Variants in GNAO1 observed in about 807,000 individuals in gnomAD.
The protein encoded by GNAO1 is guanine nucleotide-binding protein G(o) subunit alpha.
For missense variants in GNAO1, 166 were observed against 478.7 expected (o/e 0.35, Z 6.10); for synonymous variants, 164 against 180.7 (o/e 0.91, Z 0.74).
chr16:56,325,998 C>T (rs2037628433), intron 3 of GNAO1, among the ~76,000 whole-genome samples: 1 of 152,180 alleles, frequency 6.6e-6, no homozygotes, highest in African/African-American at 2.4e-5. Context: ...TGCTCACCAG[C>T]CACCTCCTCC....
At chr16:56,255,596 C>T (rs2036839212) in intron 2 of GNAO1, 1 of 152,112 alleles carries the variant, frequency 6.6e-6, no homozygotes, top group African/African-American at 2.4e-5. Flanking sequence ...ACCAAGGTAA[C>T]CTATGTGTAT....
At chr16:56,236,387 A>G (rs1420834770) in intron 2 of GNAO1, among the ~76,000 whole-genome samples, 1 of 152,192 alleles carries the variant, frequency 6.6e-6, no homozygotes, top group Admixed American at 6.5e-5. Flanking sequence ...ATTCAGTTTG[A>G]ATCCATAGAA....
At chr16:56,244,166 T>G (rs1391168491) in intron 2 of GNAO1, among the ~76,000 whole-genome samples, 1 of 152,102 alleles carries the variant, frequency 6.6e-6, no homozygotes, top group Non-Finnish European at 1.5e-5. Context: ...TCTACTTGAG[T>G]GTAGGCACGT....
At chr16:56,340,560 C>G in intron 6 of GNAO1, 1 of 334,732 alleles carries the variant, frequency 3.0e-6, no homozygotes, top group Non-Finnish European at 5.8e-6. Context: ...CTCACTGCCC[C>G]CACCTGGGGC....
chr16:56,195,773 A>G (rs1337371437), intron 2 of GNAO1, among the ~76,000 whole-genome samples: 2 of 152,236 alleles, frequency 1.3e-5, no homozygotes, highest in Non-Finnish European at 2.9e-5. Flanking sequence ...GGATATTCAG[A>G]CATCACTGAA....
At chr16:56,273,883 G>A (rs1300038644) in intron 2 of GNAO1, among the ~76,000 whole-genome samples, 2 of 152,196 alleles carry the variant, frequency 1.3e-5, no homozygotes, top group Non-Finnish European at 2.9e-5. Context: ...GCTCTGGGAA[G>A]CGTTCAACTG....
intron 6 of GNAO1, chr16:56,340,809 C>T (rs1402102691): frequency 6.2e-7 from 1 of 1,607,938 alleles, no homozygotes; most frequent in Non-Finnish European, 8.5e-7. Flanking sequence ...TGCCGCCCCT[C>T]ACTCACCCCT....
At chr16:56,275,861 C>A in intron 2 of GNAO1, 70 bp from the exon 3 acceptor site, 1 of 1,378,482 alleles carries the variant, frequency 7.3e-7, no homozygotes, top group Non-Finnish European at 9.7e-7. Flanking sequence ...CAGTGCGTCT[C>A]ATGCCTGTGC....
At chr16:56,202,922 A>G (rs928498889) in intron 2 of GNAO1, among the ~76,000 whole-genome samples, 10 of 152,234 alleles carry the variant, frequency 6.6e-5, no homozygotes, top group Non-Finnish European at 1.0e-4. Context: ...GGAACCGGGT[A>G]ATAACCTCAT....
At chr16:56,247,243 C>T (rs905870653) in intron 2 of GNAO1, among the ~76,000 whole-genome samples, 1 of 152,218 alleles carries the variant, frequency 6.6e-6, no homozygotes, top group Non-Finnish European at 1.5e-5. Context: ...CCTGCTGTCT[C>T]CCTGTCTTGG....
chr16:56,220,064 C>T (rs189172278), intron 2 of GNAO1, among the ~76,000 whole-genome samples: 3 of 152,274 alleles, frequency 2.0e-5, no homozygotes, highest in East Asian at 1.9e-4. Context: ...TGGCCCCTGA[C>T]AAAACTTCTC....
intron 3 of GNAO1, among the ~76,000 whole-genome samples, chr16:56,304,184 C>A (rs1488555152): frequency 2.0e-5 from 3 of 152,188 alleles, no homozygotes; most frequent in Non-Finnish European, 4.4e-5. Flanking sequence ...TCACTGCCAC[C>A]CTCACCGGGG....
chr16:56,295,463 T>G (rs2037277542), intron 3 of GNAO1, among the ~76,000 whole-genome samples: 1 of 152,226 alleles, frequency 6.6e-6, no homozygotes, highest in South Asian at 2.1e-4. Flanking sequence ...AAGGCTGGGC[T>G]GTACCTGTTA....
chr16:56,307,223 C>G (rs1197749924), intron 3 of GNAO1: 11 of 152,304 alleles, frequency 7.2e-5, no homozygotes, highest in African/African-American at 2.6e-4. Flanking sequence ...CTCTAAGATT[C>G]ACCAGGCGAA....
At chr16:56,296,525 G>A (rs575330653) in intron 3 of GNAO1, among the ~76,000 whole-genome samples, 6 of 152,202 alleles carry the variant, frequency 3.9e-5, no homozygotes, top group South Asian at 2.1e-4. Context: ...GATCTTAAGC[G>A]GCGTGTCTGG....
chr16:56,293,526 G>A (rs1469677535), intron 3 of GNAO1, among the ~76,000 whole-genome samples: 1 of 152,172 alleles, frequency 6.6e-6, no homozygotes, highest in Non-Finnish European at 1.5e-5. Flanking sequence ...TGCAGACAGT[G>A]TGCCAGCAGC....
At chr16:56,296,167 G>T (rs534672633) in intron 3 of GNAO1, among the ~76,000 whole-genome samples, 8 of 152,192 alleles carry the variant, frequency 5.3e-5, no homozygotes, top group Non-Finnish European at 1.2e-4. Flanking sequence ...AGCCAAAACC[G>T]AATGGGCTTG....
At chr16:56,269,442 T>C (rs2036993084) in intron 2 of GNAO1, among the ~76,000 whole-genome samples, 1 of 152,126 alleles carries the variant, frequency 6.6e-6, no homozygotes, top group African/African-American at 2.4e-5. Context: ...TCGTACCAAG[T>C]ATGGCAACAA....
At chr16:56,330,477 A>G (rs2037677753) in intron 4 of GNAO1, among the ~76,000 whole-genome samples, 1 of 62,722 alleles carries the variant, frequency 1.6e-5, no homozygotes, top group African/African-American at 4.0e-5. Context: ...TGAATCCATT[A>G]CCAAAAAAAA....
Sources: allele counts gnomAD v4.1 joint callset (sites outside exome capture counted in the v4.1 genomes callset), GRCh38; gene constraint gnomAD v4.1.1; transcripts MANE v1.5; gene names NCBI Gene and HGNC (gene_info 2026-07-23, HGNC 2026-07-21).